The following SFI1 variants were observed in gnomAD, a reference collection of about 807,000 sequenced individuals.
SFI1 encodes SFI1 centrin binding protein.
Under a neutral mutation model 207.5 loss-of-function variants are expected in SFI1, and 195 were observed. The ratio of observed to expected loss-of-function variants is 0.94; its 90% CI spans 0.84 to 1.06. The LOEUF (loss-of-function observed/expected upper bound fraction) is 1.06. Ranked by LOEUF, SFI1 falls within the 50% of genes least tolerant of loss-of-function variation. The probability of loss-of-function intolerance (pLI) is 0.00; values close to 1 mark genes in which losing one functional copy is unlikely to be tolerated. For missense variants in SFI1, 1,634 were observed against 1,588.0 expected (o/e 1.03, Z -0.49); for synonymous variants, 630 against 598.9 (o/e 1.05, Z -0.76).
At chr22:31,612,396 A>ATAT (rs1331671158) in intron 24 of SFI1, 113 of 95,678 alleles carry the variant, frequency 1.2e-3, no homozygotes, top group African/African-American at 2.7e-3. Context: ...AAAAAAAAAA[A>ATAT]AAATATATAT....
At chr22:31,612,414 T>A (rs1187094564) in intron 24 of SFI1, 3 of 119,666 alleles carry the variant, frequency 2.5e-5, no homozygotes, top group African/African-American at 6.4e-5. Context: ...TATATATATA[T>A]ATATATATAT....
intron 32 of SFI1, 41 bp from the exon 33 acceptor site, chr22:31,618,273 T>A (rs765027910): frequency 3.7e-6 from 6 of 1,603,716 alleles, no homozygotes; most frequent in Non-Finnish European, 5.1e-6. Context: ...CGCCCCGGGC[T>A]GTGCTCCCTC....
chr22:31,540,337 G>A lies in SFI1; in HGVS notation c.339-6524G>A, dbSNP rs191858090. Among the ~76,000 whole-genome samples, 9 of 151,248 alleles carry A rather than the reference G, an allele frequency of 6.0e-5. No individual in the cohort carries two copies. In the East Asian group the frequency reaches 1.8e-3, roughly 29 times the overall value. On this transcript the variant is annotated intron_variant, in intron 4 of 32. Transcript: ENST00000400288. ...CTTACTCTGTCACCCAGGCTAGAGT[G>A]CAGTGGCGCAATTGACTCACTGTAA...
At chr22:31,587,305 G>GTTTTTTTTTT in intron 14 of SFI1, 1 of 397,074 alleles carries the variant, frequency 2.5e-6, no homozygotes, top group Non-Finnish European at 5.2e-6. Context: ...CAATTTATTT[G>GTTTTTTTTTT]TTTTGTTTTG....
rs557329089 is a variant in SFI1, at chr22:31,563,688, C to T, written c.765+2296C>T. Among the ~76,000 whole-genome samples the T allele has an allele frequency of 4.6e-5, 7 of 152,198 alleles. No individual in the cohort carries two copies. In the South Asian group the frequency reaches 6.2e-4, roughly 14 times the overall value. On this transcript the variant is annotated intron_variant, in intron 8 of 32. Coordinates refer to ENST00000400288, the MANE Select transcript of SFI1 (RefSeq NM_001007467.3). ...GCAACCCCTGCCTCCCGGGTTCAAG[C>T]GATTCTCCTGCCTCAGCCTCCCAAG...
Position 31,550,259 on chromosome 22 carries a change from A to G in SFI1, c.455A>G (p.Tyr152Cys), listed in dbSNP as rs777492950. 1 of 1,613,846 alleles carries G rather than the reference A, an allele frequency of 6.2e-7. No homozygotes were observed. The highest frequency in any genetic ancestry group is 1.1e-5 in the South Asian group (1 of 91,050). ...TACTTTTTTTGGCTCCTCAGGTATT[A>G]CCTGTACAACCTGATGTTCCAGACG... is the stretch of plus-strand genomic sequence containing the variant. ...CVRADCHYRY[Y>C]LYNLMFQTWK... is the part of the protein sequence containing the mutation. Residue 152 changes from tyrosine (Y) to cysteine (C), a missense_variant, in exon 6 of 33, where the codon TAC becomes TGC. Transcript: ENST00000400288.
At chr22:31,522,063 C>CG (rs2057339961) in intron 2 of SFI1, among the ~76,000 whole-genome samples, 4 of 100,184 alleles carry the variant, frequency 4.0e-5, no homozygotes, top group Non-Finnish European at 8.6e-5. Context: ...CTACACCTGG[C>CG]CTTTTTTTTT....
At chr22:31,583,795 C>G in intron 12 of SFI1, 80 bp from the exon 13 acceptor site, 5 of 1,261,542 alleles carry the variant, frequency 4.0e-6, no homozygotes, top group Non-Finnish European at 5.8e-6. Flanking sequence ...TTTGGGGGAG[C>G]TCACAGTCTG....
At chr22:31,561,771 C>T (rs1185424498) in intron 8 of SFI1, among the ~76,000 whole-genome samples, 1 of 152,160 alleles carries the variant, frequency 6.6e-6, no homozygotes, top group Non-Finnish European at 1.5e-5. Flanking sequence ...AACCTGTCTT[C>T]CTTTTCTTTA....
At chr22:31,525,239 G>A (rs922765327) in intron 2 of SFI1, among the ~76,000 whole-genome samples, 5 of 152,074 alleles carry the variant, frequency 3.3e-5, no homozygotes, top group Admixed American at 6.6e-5. Context: ...TTTCCTAGAC[G>A]TTTGAAGTAT....
At chr22:31,562,983 T>TTATATATATATATATATATATATATATA (rs56072629) in intron 8 of SFI1, among the ~76,000 whole-genome samples, 42 of 142,380 alleles carry the variant, frequency 2.9e-4, no homozygotes, top group South Asian at 4.5e-4. Context: ...TCATCATCTT[T>TTATATATATATATATATATATATATATA]TATATATATA....
At chr22:31,604,751 C>A in intron 19 of SFI1, 118 bp from the exon 20 acceptor site, 1 of 904,388 alleles carries the variant, frequency 1.1e-6, no homozygotes, top group Non-Finnish European at 1.7e-6. Flanking sequence ...TGGCCTCTTC[C>A]TACCCTTTTT....
chr22:31,583,981 T>C lies in SFI1; in HGVS notation c.1346+9T>C. On this transcript the variant is annotated intron_variant, in intron 13 of 32. Coordinates refer to ENST00000400288, the MANE Select transcript of SFI1 (RefSeq NM_001007467.3). Reference sequence around the variant, plus strand: ...GCCTGGGACCACTACAGGTAGGGACTCTGGTTTCATCCCTGGCTCTCAGGG... The same window carrying C: ...GCCTGGGACCACTACAGGTAGGGACCCTGGTTTCATCCCTGGCTCTCAGGG... The C allele has an allele frequency of 6.2e-7, 1 of 1,607,932 alleles. No individual in the cohort carries two copies. Among genetic ancestry groups the C allele is most frequent in the South Asian group, 1.1e-5 (1 of 90,952 alleles).
In SFI1 at chr22:31,548,427, A is replaced by C. The variant is rs116150186; in HGVS notation, c.449+1456A>C. 1.4e-3 allele frequency among the ~76,000 whole-genome samples: 216 copies of C among 151,404 alleles called. 2 individuals are homozygous for C. The highest frequency in any genetic ancestry group is 5.1e-3 in the African/African-American group (211 of 41,240). Reference sequence around the variant, plus strand: ...CTCTATTAAAAAACAAAACAAAACAAAACAAAAATTCCAGCCTGTACAACA... The same window carrying C: ...CTCTATTAAAAAACAAAACAAAACACAACAAAAATTCCAGCCTGTACAACA... On this transcript the variant is annotated intron_variant, in intron 5 of 32. Coordinates refer to ENST00000400288, the MANE Select transcript of SFI1 (RefSeq NM_001007467.3).
At chr22:31,521,002 C>CAAAAA (rs57346699) in intron 2 of SFI1, among the ~76,000 whole-genome samples, 4 of 47,450 alleles carry the variant, frequency 8.4e-5, no homozygotes, top group South Asian at 7.5e-4. Flanking sequence ...GACCCTGTCT[C>CAAAAA]AAAAAAAAAA....
intron 7 of SFI1, among the ~76,000 whole-genome samples, chr22:31,559,259 A>G (rs540452125): frequency 6.6e-6 from 1 of 151,932 alleles, no homozygotes; most frequent in African/African-American, 2.4e-5. Context: ...TGTCTCTACT[A>G]AAAAAATACA....
At chr22:31,538,132 C>T (rs1018252075) in intron 4 of SFI1, among the ~76,000 whole-genome samples, 6 of 152,022 alleles carry the variant, frequency 3.9e-5, no homozygotes, top group African/African-American at 1.2e-4. Flanking sequence ...CCACCATGGC[C>T]GGCTATTTTT....
Position 31,613,837 on chromosome 22 carries a change from A to C in SFI1, c.2978A>C (p.Glu993Ala). The C allele has an allele frequency of 6.2e-7, 1 of 1,606,816 alleles. No individual in the cohort carries two copies. Among genetic ancestry groups the C allele is most frequent in the East Asian group, 2.2e-5 (1 of 44,752 alleles). Residue 993 changes from glutamate to alanine, a missense_variant, in exon 27 of 33, where the codon GAG (glutamate) becomes GCG (alanine). Physicochemically the swap from Glu to Ala is moderately radical, Grantham distance 107. Transcript: ENST00000400288. Reference sequence around the variant, plus strand: ...GCTCTGGGCCGCCTGGCTGCTGAGGAGCCCCACGCCCTGGAGCTGTGAGTA... The same window carrying C: ...GCTCTGGGCCGCCTGGCTGCTGAGGCGCCCCACGCCCTGGAGCTGTGAGTA... ...LGALGRLAAE[E>A]PHALELNTAH...
chr22:31,517,451 C>T (rs1250944692), intron 2 of SFI1, among the ~76,000 whole-genome samples: 1 of 151,706 alleles, frequency 6.6e-6, no homozygotes. Context: ...TTTCATCGCA[C>T]TGCCCAAGCT....
Sources: gnomAD v4.1 joint callset for allele counts (sites outside exome capture counted in the v4.1 genomes callset) on GRCh38, gnomAD v4.1.1 for gene constraint, MANE v1.5 for transcripts, NCBI Gene and HGNC (gene_info 2026-07-23, HGNC 2026-07-21) for gene names.